FANCE: variants seen among roughly 807,000 people sequenced by gnomAD.
FANCE encodes the protein FA complementation group E, also known as Fanconi anemia group E protein.
Under a neutral mutation model 57.8 loss-of-function variants are expected in FANCE, and 42 were observed. The observed-to-expected ratio is 0.73, with a 90% CI of 0.57 to 0.94. The LOEUF is 0.94. Among genes scored for constraint, FANCE ranks in the 40% least tolerant of loss-of-function variants. The probability of loss-of-function intolerance (pLI) is 0.00; values close to 1 mark genes in which losing one functional copy is unlikely to be tolerated. For synonymous variants in FANCE, 251 were observed against 286.4 expected (o/e 0.88, Z 1.25); for missense variants, 608 against 661.8 (o/e 0.92, Z 0.89).
chr6:35,463,898 T>C (rs1430045078), intron 9 of FANCE, among the ~76,000 whole-genome samples: 1 of 152,046 alleles, frequency 6.6e-6, no homozygotes, highest in Non-Finnish European at 1.5e-5. Flanking sequence ...ACTCCTGACC[T>C]TGTGATCAGC....
chr6:35,466,993 C>T lies in FANCE; in HGVS notation c.*648C>T, dbSNP rs1011226696. 5.3e-5 allele frequency: 12 copies of T among 225,212 alleles called. No individual in the cohort carries two copies. The highest frequency in any genetic ancestry group is 2.7e-4 in the African/African-American group (12 of 44,742). 14.0% of individuals were successfully genotyped at this position (225,212 alleles called of 1,614,324 possible). A position where few individuals can be genotyped will look rare whatever the true frequency, so the allele number is the denominator to read the frequency against. On this transcript the variant is annotated 3_prime_UTR_variant, in exon 10 of 10. Transcript: ENST00000229769. Reference sequence around the variant, plus strand: ...GGGATGCTCCAGGAGGTCTGGGGTACCAGTGGGCTCAGATGAAGCTCTTGT... The same window carrying T: ...GGGATGCTCCAGGAGGTCTGGGGTATCAGTGGGCTCAGATGAAGCTCTTGT...
intron 4 of FANCE, 101 bp downstream of exon 4, chr6:35,458,085 G>A: frequency 2.3e-6 from 3 of 1,322,562 alleles, no homozygotes; most frequent in Non-Finnish European, 3.2e-6. Context: ...AAATGTGGGA[G>A]GGGATTTTGT....
rs749697038 is a variant in FANCE at position 35,466,328 on chromosome 6, A to C, written c.1594A>C (p.Lys532Gln). 3.8e-5 allele frequency: 61 copies of C among 1,612,982 alleles called. No individual in the cohort carries two copies. Among genetic ancestry groups the C allele is most frequent in the Non-Finnish European group, 4.8e-5 (57 of 1,179,060 alleles). ...GAGGAAGTCCCTGAAGGCCGCCTTG[A>C]AACATTTGGGCCCCTGACCATCCAC... is the stretch of plus-strand genomic sequence containing the variant. The part of the protein sequence containing the change: ...FLRKSLKAAL[K>Q]HLGP The change falls in exon 10 of 10, where the codon AAA becomes CAA. Residue 532 changes from lysine (K) to glutamine (Q), a missense_variant. Transcript: ENST00000229769.
chr6:35,459,528 C>T, intron 6 of FANCE, 74 bp downstream of exon 6: 2 of 1,610,184 alleles, frequency 1.2e-6, no homozygotes, highest in Non-Finnish European at 1.7e-6. Flanking sequence ...CCAGAGTGGC[C>T]CTGGCAGGAG....
At chr6:35,458,129 G>A in intron 4 of FANCE, 145 bp downstream of exon 4, 1 of 1,208,688 alleles carries the variant, frequency 8.3e-7, no homozygotes, top group Non-Finnish European at 1.2e-6. Flanking sequence ...GTCACCCTGT[G>A]TAGTATCTTT....
At chr6:35,453,417 A>G (rs568735754) in intron 1 of FANCE, among the ~76,000 whole-genome samples, 1 of 151,882 alleles carries the variant, frequency 6.6e-6, no homozygotes, top group Non-Finnish European at 1.5e-5. Context: ...TATTATCTCC[A>G]ATTTTTTGGC....
chr6:35,452,528 C>A lies in FANCE; in HGVS notation c.-18C>A. On this transcript the variant is annotated 5_prime_UTR_variant, in exon 1 of 10. Coordinates refer to ENST00000229769, the MANE Select transcript of FANCE (RefSeq NM_021922.3). ...CCCCACACCAGAGTAGGGGGCGGCGCGGCACCCGTGCCCCGGCATGGCGAC... is the reference window on the plus strand; with the variant it reads ...CCCCACACCAGAGTAGGGGGCGGCGAGGCACCCGTGCCCCGGCATGGCGAC... 1 of 1,288,818 alleles carries A rather than the reference C, an allele frequency of 7.8e-7. No homozygotes were observed. Among genetic ancestry groups the A allele is most frequent in the Admixed American group, 3.4e-5 (1 of 29,584 alleles). 79.8% of individuals were successfully genotyped at this position (1,288,818 alleles called of 1,614,324 possible).
intron 7 of FANCE, 100 bp downstream of exon 7, chr6:35,459,860 C>T (rs957002982): frequency 5.1e-6 from 5 of 988,894 alleles, no homozygotes; most frequent in Non-Finnish European, 8.1e-6. Flanking sequence ...CTTACCTTCT[C>T]TAGGAAGCCT....
chr6:35,461,179 C>T lies in FANCE; in HGVS notation c.1383+561C>T, dbSNP rs148878755. Among the ~76,000 whole-genome samples the T allele has an allele frequency of 1.1e-3, 170 of 152,174 alleles. 2 individuals carry two copies. The South Asian group carries it at 0.015, about 14-fold the overall frequency. On this transcript the variant is annotated intron_variant, in intron 8 of 9. Transcript: ENST00000229769. ...CCAAGTAACTGGGATTACAGGCGTG[C>T]GCCACCACACCGGCTAATTTTTGTA...
chr6:35,455,735 T>A lies in FANCE; in HGVS notation c.249-12T>A. The A allele has an allele frequency of 1.9e-6, 3 of 1,613,584 alleles. No individual in the cohort carries two copies. The South Asian group carries it at 3.3e-5, about 18-fold the overall frequency. On this transcript the variant is annotated splice_polypyrimidine_tract_variant and intron_variant, in intron 1 of 9. Transcript: ENST00000229769. ...CAAACACTTAACTGCTTGCTCTCCC[T>A]CTGCTACCCAGGAAACCACTGTTGC...
chr6:35,466,436 T>TTTATCCTCA lies in FANCE; in HGVS notation c.*91_*92insTTATCCTCA. 1 of 897,690 alleles carries TTTATCCTCA rather than the reference T, an allele frequency of 1.1e-6. No homozygotes were observed. Among genetic ancestry groups the TTTATCCTCA allele is most frequent in the Non-Finnish European group, 1.9e-6 (1 of 533,320 alleles). The allele number at this position is 897,690 out of a possible 1,614,324, so 55.6% of individuals were successfully genotyped here. On this transcript the variant is annotated 3_prime_UTR_variant, in exon 10 of 10. Transcript: ENST00000229769. ...CACCACCTTGTCTTGAGCCCTAGCC[T>TTTATCCTCA]GAGGATAAAGGCTGAGCCTGGCCAT...
At chr6:35,460,678 C>T (rs995765970) in intron 8 of FANCE, 60 bp downstream of exon 8, 30 of 1,486,540 alleles carry the variant, frequency 2.0e-5, no homozygotes, top group Middle Eastern at 1.8e-4. Context: ...TGGAAGCACA[C>T]GGGGTTCCTG....
intron 1 of FANCE, among the ~76,000 whole-genome samples, chr6:35,453,450 C>G (rs1003249140): frequency 6.6e-6 from 1 of 151,608 alleles, no homozygotes; most frequent in East Asian, 1.9e-4. Flanking sequence ...AAGCCACGTG[C>G]TTATTTGTGA....
chr6:35,459,340 T>C lies in FANCE; in HGVS notation c.1123T>C (p.Leu375=), dbSNP rs1262139722. 6.2e-7 allele frequency: 1 copy of C among 1,614,042 alleles called. No homozygotes were observed. Among genetic ancestry groups the C allele is most frequent in the African/African-American group, 1.3e-5 (1 of 74,914 alleles). ...TCCCTGTTGGCTGTAGATCCTCTCC[T>C]TGACTTCCTCAGCCTCCCGCCTGCT... ...RSLFLGRILS[L]TSSASRLLTT... The change falls in exon 6 of 10, where the codon TTG becomes CTG. Residue 375 remains leucine (L), a synonymous_variant. Transcript: ENST00000229769.
intron 7 of FANCE, 112 bp from the exon 8 acceptor site, chr6:35,460,440 G>C (rs943804055): frequency 7.6e-6 from 8 of 1,054,102 alleles, no homozygotes; most frequent in Non-Finnish European, 1.2e-5. Flanking sequence ...TGTTGGCTGG[G>C]GATCTTGGCT....
chr6:35,461,902 C>T (rs1335403799), intron 8 of FANCE, among the ~76,000 whole-genome samples: 2 of 152,012 alleles, frequency 1.3e-5, no homozygotes, highest in South Asian at 4.1e-4. Flanking sequence ...CGGCCTCGGC[C>T]TTCCAAAGTG....
chr6:35,455,614 A>G, intron 1 of FANCE, 133 bp from the exon 2 acceptor site: 5 of 1,098,584 alleles, frequency 4.6e-6, no homozygotes, highest in Non-Finnish European at 6.9e-6. Context: ...CCTGGCCAAC[A>G]TCCACTGACT....
chr6:35,459,315 T>A lies in FANCE; in HGVS notation c.1114-16T>A. 6.2e-7 allele frequency: 1 copy of A among 1,614,012 alleles called. No individual in the cohort carries two copies. The highest frequency in any genetic ancestry group is 8.5e-7 in the Non-Finnish European group (1 of 1,180,006). On this transcript the variant is annotated splice_polypyrimidine_tract_variant and intron_variant, in intron 5 of 9. Coordinates refer to ENST00000229769, the MANE Select transcript of FANCE (RefSeq NM_021922.3). The stretch of plus-strand genomic sequence containing the variant: ...AAGAAGAAAATAATTAATTTTTTCC[T>A]CCCTGTTGGCTGTAGATCCTCTCCT...
rs896464131 is a variant in FANCE at position 35,456,671 on chromosome 6, C to A, written c.855+318C>A. Among the ~76,000 whole-genome samples the A allele has an allele frequency of 6.6e-6, 1 of 152,068 alleles. No homozygotes were observed. ...CTGGGATTATAGGCATGCGCCACCA[C>A]GCCCAGCTAATTTTGTATTTTTAGT... On this transcript the variant is annotated intron_variant, in intron 2 of 9. Coordinates refer to ENST00000229769, the MANE Select transcript of FANCE (RefSeq NM_021922.3). This position sits in a 1 kb window ranked among gnomAD's most constrained non-coding sequence, Gnocchi z 4.3.
Sources: gnomAD v4.1 joint callset for allele counts (sites outside exome capture counted in the v4.1 genomes callset) on GRCh38, gnomAD v4.1.1 for gene constraint, Gnocchi (gnomAD v3.1) non-coding constraint, MANE v1.5 for transcripts, NCBI Gene and HGNC (gene_info 2026-07-23, HGNC 2026-07-21) for gene names.